Variants in DLGAP3 observed in about 807,000 individuals in gnomAD.
DLGAP3 encodes the protein disks large-associated protein 3.
DLGAP3 carries 17 observed loss-of-function variants against 81.2 expected under a neutral mutation model. The ratio of observed to expected loss-of-function variants is 0.21; its 90% CI spans 0.14 to 0.31. The LOEUF is 0.31. DLGAP3 is among the 10% of genes least tolerant of loss of function. The pLI is 1.00. For synonymous variants in DLGAP3, 577 were observed against 587.4 expected (o/e 0.98, Z 0.26); for missense variants, 1,124 against 1,388.0 (o/e 0.81, Z 3.02).
In DLGAP3 at chr1:34,885,695, T is replaced by A. The variant is rs1261064889; in HGVS notation, c.1697A>T (p.His566Leu). The change falls in exon 7 of 12, where the codon CAC becomes CTC. Residue 566 changes from histidine to leucine, a missense_variant. Physicochemically the swap from His to Leu is moderately conservative, Grantham distance 99. This residue lies in a region of DLGAP3 where 379 missense variants were observed against 455.7 expected (regional missense o/e 0.83). Transcript: ENST00000373347. ...ITAQSSTDSAHESFTAAEGPA... is the reference protein window; with the variant it reads ...ITAQSSTDSALESFTAAEGPA... Reference sequence around the variant, plus strand: ...GCCCTCGGCCGCCGTGAAGCTCTCGTGCGCGGAGTCGGTGCTGCTCTGGGC... The same window carrying A: ...GCCCTCGGCCGCCGTGAAGCTCTCGAGCGCGGAGTCGGTGCTGCTCTGGGC... The A allele has an allele frequency of 1.4e-6, 2 of 1,414,730 alleles. No homozygotes were observed. The highest frequency in any genetic ancestry group is 1.8e-6 in the Non-Finnish European group (2 of 1,094,666). The allele number at this position is 1,414,730 out of a possible 1,614,324, so 87.6% of individuals were successfully genotyped here.
chr1:34,892,223 T>C (rs2148405713), intron 5 of DLGAP3, among the ~76,000 whole-genome samples: 1 of 152,244 alleles, frequency 6.6e-6, no homozygotes, highest in East Asian at 1.9e-4. Flanking sequence ...GTAACTGAAA[T>C]TAAAAATTCA....
chr1:34,885,983 G>C, intron 6 of DLGAP3, 89 bp downstream of exon 6: 1 of 1,360,430 alleles, frequency 7.4e-7, no homozygotes, highest in Non-Finnish European at 1.0e-6. Flanking sequence ...ATCTGCGCGG[G>C]TCACAGCACA....
intron 8 of DLGAP3, among the ~76,000 whole-genome samples, chr1:34,877,239 G>A (rs760129787): frequency 6.6e-6 from 1 of 152,172 alleles, no homozygotes; most frequent in South Asian, 2.1e-4. Flanking sequence ...GACCCTGTGC[G>A]CAAAGTCGGC....
intron 1 of DLGAP3, among the ~76,000 whole-genome samples, chr1:34,909,771 A>G (rs950321891): frequency 1.2e-4 from 19 of 152,138 alleles, no homozygotes; most frequent in Non-Finnish European, 7.4e-5. Context: ...AGGGAAAAAC[A>G]AGTGAGGAAG....
intron 5 of DLGAP3, among the ~76,000 whole-genome samples, chr1:34,896,324 T>G (rs1475829131): frequency 6.6e-6 from 1 of 151,994 alleles, no homozygotes; most frequent in Non-Finnish European, 1.5e-5. Context: ...TGGTGGCTCA[T>G]GTCTGTAAAC....
At chr1:34,877,021 G>A (rs2148396902) in intron 8 of DLGAP3, among the ~76,000 whole-genome samples, 1 of 152,300 alleles carries the variant, frequency 6.6e-6, no homozygotes, top group Non-Finnish European at 1.5e-5. Context: ...AGGTGTTTTT[G>A]CTACAATGCT....
chr1:34,883,317 A>G (rs1376624002), intron 8 of DLGAP3, among the ~76,000 whole-genome samples: 3 of 152,242 alleles, frequency 2.0e-5, no homozygotes, highest in Non-Finnish European at 4.4e-5. Context: ...TCAATCAATG[A>G]CAAGAGTTTG....
In DLGAP3 at chr1:34,865,611, G is replaced by A. The variant is rs936266873; in HGVS notation, c.*472C>T. ...GTGGTCCCTGGGCCCAGTGGGCAGAGGGCTGAGGATGGAGCCCCTGGGAGG... is the reference window on the plus strand; with the variant it reads ...GTGGTCCCTGGGCCCAGTGGGCAGAAGGCTGAGGATGGAGCCCCTGGGAGG... On this transcript the variant is annotated 3_prime_UTR_variant, in exon 12 of 12. Coordinates refer to ENST00000373347, the MANE Select transcript of DLGAP3 (RefSeq NM_001080418.3). 9.9e-5 allele frequency: 25 copies of A among 252,530 alleles called. No homozygotes were observed. Among genetic ancestry groups the A allele is most frequent in the Admixed American group, 5.6e-5 (1 of 17,918 alleles). 15.6% of individuals were successfully genotyped at this position (252,530 alleles called of 1,614,324 possible).
rs976844685 is a variant in DLGAP3, at chr1:34,873,787, C to T, written c.2001-4698G>A. ...GGCTGGTTATTTGCATAAGTGTCTC[C>T]TCACTAAATAGGGCAGTTCATCACA... On this transcript the variant is annotated intron_variant, in intron 8 of 11. Coordinates refer to ENST00000373347, the MANE Select transcript of DLGAP3 (RefSeq NM_001080418.3). This position sits in a 1 kb window ranked among gnomAD's most constrained non-coding sequence, Gnocchi z 4.2. Among the ~76,000 whole-genome samples, 2 of 152,052 alleles carry T rather than the reference C, an allele frequency of 1.3e-5. No homozygotes were observed. Among genetic ancestry groups the T allele is most frequent in the African/African-American group, 4.8e-5 (2 of 41,360 alleles).
rs1187054626 is a variant in DLGAP3, at chr1:34,914,436, TTCTAGGACCAGAACTCC to T, written c.-134-7016_-134-7000del. ...ACTGCACACTGCTGAGAGAGAGGAC[TTCTAGGACCAGAACTCC>T]TCTAGGACCCGAACTCCTCTAGGAC... On this transcript the variant is annotated intron_variant, in intron 1 of 11. Transcript: ENST00000373347. Among the ~76,000 whole-genome samples, 6 of 152,306 alleles carry T rather than the reference TTCTAGGACCAGAACTCC, an allele frequency of 3.9e-5. No individual in the cohort carries two copies. In the East Asian group the frequency reaches 9.6e-4, roughly 24 times the overall value.
intron 1 of DLGAP3, among the ~76,000 whole-genome samples, chr1:34,922,498 C>A (rs1420714255): frequency 1.3e-5 from 2 of 152,148 alleles, no homozygotes; most frequent in Admixed American, 1.3e-4. Context: ...CTTACACTCA[C>A]ACAAAGGCAT....
chr1:34,874,768 T>A (rs1639026072), intron 8 of DLGAP3, among the ~76,000 whole-genome samples: 1 of 151,386 alleles, frequency 6.6e-6, no homozygotes, highest in Non-Finnish European at 1.5e-5. Context: ...GAAAGCTCTA[T>A]ATCCAGAAGT....
At chr1:34,885,349 C>G in intron 7 of DLGAP3, 129 bp downstream of exon 7, 1 of 1,058,086 alleles carries the variant, frequency 9.5e-7, no homozygotes, top group Non-Finnish European at 1.4e-6. Context: ...TGTCCAGGCA[C>G]GGGGTTCACT....
At chr1:34,892,064 CT>C (rs1639319332) in intron 5 of DLGAP3, among the ~76,000 whole-genome samples, 1 of 152,088 alleles carries the variant, frequency 6.6e-6, no homozygotes, top group Admixed American at 6.5e-5. Context: ...TACAAGGCAG[CT>C]ATTATAAATA....
chr1:34,921,448 C>T (rs761694181), intron 1 of DLGAP3, among the ~76,000 whole-genome samples: 5 of 152,178 alleles, frequency 3.3e-5, no homozygotes, highest in Non-Finnish European at 4.4e-5. Context: ...CAAACCTTTC[C>T]CTTCCTCACT....
chr1:34,887,689 C>A (rs892893171), intron 5 of DLGAP3, among the ~76,000 whole-genome samples: 1 of 152,158 alleles, frequency 6.6e-6, no homozygotes, highest in Non-Finnish European at 1.5e-5. Context: ...GGGAGTATAG[C>A]CTCAGAGTTG....
Position 34,865,985 on chromosome 1 carries a change from G to T in DLGAP3, c.*98C>A. 2 of 1,079,718 alleles carry T rather than the reference G, an allele frequency of 1.9e-6. No individual in the cohort carries two copies. The highest frequency in any genetic ancestry group is 1.4e-5 in the South Asian group (1 of 71,464). The allele number at this position is 1,079,718 out of a possible 1,614,324, so 66.9% of individuals were successfully genotyped here. On this transcript the variant is annotated 3_prime_UTR_variant, in exon 12 of 12. Coordinates refer to ENST00000373347, the MANE Select transcript of DLGAP3 (RefSeq NM_001080418.3). ...GGGGCGTCCGGTGCCGGTGGGGCGG[G>T]CGCACGGGGCGGCCCGCGTTCACAG...
At chr1:34,914,893 T>G (rs1313645914) in intron 1 of DLGAP3, among the ~76,000 whole-genome samples, 1 of 152,160 alleles carries the variant, frequency 6.6e-6, no homozygotes, top group Admixed American at 6.5e-5. Context: ...TTGCCTGGGC[T>G]TCTTTTGAAG....
intron 1 of DLGAP3, among the ~76,000 whole-genome samples, chr1:34,913,868 C>G (rs956326711): frequency 2.0e-5 from 3 of 152,174 alleles, no homozygotes; most frequent in Non-Finnish European, 4.4e-5. Context: ...TATACCCAGC[C>G]TTGTTCATGA....
Sources: gnomAD v4.1 joint callset for allele counts (sites outside exome capture counted in the v4.1 genomes callset) on GRCh38, gnomAD v4.1.1 for gene constraint, gnomAD v4.1.1 regional missense constraint, Gnocchi (gnomAD v3.1) non-coding constraint, MANE v1.5 for transcripts, NCBI Gene and HGNC (gene_info 2026-07-23, HGNC 2026-07-21) for gene names.